The following ANKFN1 variants were observed in gnomAD, a reference collection of about 807,000 sequenced individuals.
ANKFN1 encodes the protein ankyrin repeat and fibronectin type-III domain-containing protein 1.
In ANKFN1, 74 loss-of-function variants were observed where a neutral mutation model predicts 108.7. That is an observed-to-expected ratio of 0.68 (90% CI 0.56 to 0.83). ANKFN1 has a LOEUF of 0.83. Among genes scored for constraint, ANKFN1 ranks in the 40% least tolerant of loss-of-function variants. ANKFN1 has a pLI of 0.00. For missense variants in ANKFN1, 1,505 were observed against 1,382.3 expected, an observed-to-expected ratio of 1.09 and a Z score of -1.41; for synonymous variants, 547 against 516.2, an observed-to-expected ratio of 1.06 and a Z score of -0.81.
intron 3 of ANKFN1, among the ~76,000 whole-genome samples, chr17:56,316,815 A>C (rs1225700937): frequency 2.6e-5 from 4 of 152,290 alleles, no homozygotes; most frequent in Admixed American, 6.5e-5. Context: ...TAAAGGATCA[A>C]ATGCTCCTGT....
chr17:56,466,232 A>C, intron 14 of ANKFN1, 124 bp from the exon 15 acceptor site: 1 of 879,506 alleles, frequency 1.1e-6, no homozygotes, highest in East Asian at 2.6e-5. Flanking sequence ...TTAAGTGCAA[A>C]AAAAAAAAAG....
chr17:56,076,843 A>G (rs2143153398), intron 4 of ANKFN1, among the ~76,000 whole-genome samples: 1 of 152,304 alleles, frequency 6.6e-6, no homozygotes, highest in Non-Finnish European at 1.5e-5. Context: ...TTGAGTAAAC[A>G]TCATCAGGTA....
At chr17:56,487,920 A>G (rs1470656880) in intron 18 of ANKFN1, among the ~76,000 whole-genome samples, 1 of 152,236 alleles carries the variant, frequency 6.6e-6, no homozygotes, top group Non-Finnish European at 1.5e-5. Flanking sequence ...AGCCTGATTA[A>G]GTACACTCTT....
intron 4 of ANKFN1, among the ~76,000 whole-genome samples, chr17:56,125,553 A>G (rs1906873182): frequency 6.6e-6 from 1 of 152,236 alleles, no homozygotes; most frequent in Non-Finnish European, 1.5e-5. Flanking sequence ...ACCATGTTCC[A>G]GATACTGGCT....
At position 56,477,602 on chromosome 17, in the gene ANKFN1, T is replaced by C; in HGVS notation, c.1888T>C (p.Leu630=). The change falls in exon 16 of 21, where the codon TTG becomes CTG. Residue 630 remains leucine (L), a synonymous_variant. Transcript: ENST00000682825. ...DQIKVLVTQK[L]PNILCHVKIR... Reference sequence around the variant, plus strand: ...AATCAAAGTTCTTGTTACCCAAAAGTTGCCCAACATTCTCTGCCACGTGAA... The same window carrying C: ...AATCAAAGTTCTTGTTACCCAAAAGCTGCCCAACATTCTCTGCCACGTGAA... The C allele has an allele frequency of 6.2e-7, 1 of 1,613,966 alleles. No individual in the cohort carries two copies. The highest frequency in any genetic ancestry group is 8.5e-7 in the Non-Finnish European group (1 of 1,179,916).
At chr17:56,121,520 G>C (rs982436847) in intron 4 of ANKFN1, among the ~76,000 whole-genome samples, 1 of 151,834 alleles carries the variant, frequency 6.6e-6, no homozygotes, top group Admixed American at 6.6e-5. Flanking sequence ...TTCATTATAC[G>C]GGGACTTTTG....
At chr17:56,486,216 C>T (rs138320154) in intron 18 of ANKFN1, among the ~76,000 whole-genome samples, 1 of 152,288 alleles carries the variant, frequency 6.6e-6, no homozygotes, top group East Asian at 1.9e-4. Flanking sequence ...TTGGTCCTCC[C>T]TTGTTGCCAT....
chr17:56,193,406 A>G (rs1221145458), intron 1 of ANKFN1, among the ~76,000 whole-genome samples: 1 of 152,010 alleles, frequency 6.6e-6, no homozygotes, highest in African/African-American at 2.4e-5. Context: ...GTATAATTAA[A>G]AAAAAAAATA....
intron 1 of ANKFN1, among the ~76,000 whole-genome samples, chr17:56,173,479 C>A (rs779564871): frequency 1.7e-4 from 26 of 152,186 alleles, no homozygotes; most frequent in Non-Finnish European, 3.4e-4. Context: ...ACTCAGCATG[C>A]GTCACCTTGC....
chr17:56,439,544 G>T (rs948152251), intron 8 of ANKFN1, among the ~76,000 whole-genome samples: 1 of 151,794 alleles, frequency 6.6e-6, no homozygotes, highest in Non-Finnish European at 1.5e-5. Flanking sequence ...TCACCTTGGG[G>T]ATGTCAAGGG....
chr17:56,109,269 A>T (rs1905819865), intron 4 of ANKFN1, among the ~76,000 whole-genome samples: 1 of 152,208 alleles, frequency 6.6e-6, no homozygotes, highest in Non-Finnish European at 1.5e-5. Context: ...GGTTAGCAGA[A>T]GGGATTTGCC....
In ANKFN1 at chr17:56,172,166, G is replaced by A. The variant is rs558076204; in HGVS notation, c.-71+18636G>A. Among the ~76,000 whole-genome samples the A allele has an allele frequency of 1.2e-3, 177 of 152,184 alleles. 1 individual carries two copies. The highest frequency in any genetic ancestry group is 3.6e-3 in the African/African-American group (149 of 41,530). On this transcript the variant is annotated intron_variant, in intron 1 of 20. Coordinates refer to ENST00000682825, the MANE Select transcript of ANKFN1 (RefSeq NM_001370326.1). ...ATGAATGAGAAAAATTAATCTCAAC[G>A]TGATAAATAACTCTTAGCCTCTGAT...
intron 4 of ANKFN1, among the ~76,000 whole-genome samples, chr17:56,349,887 A>G (rs2046202583): frequency 6.6e-6 from 1 of 152,142 alleles, no homozygotes; most frequent in Non-Finnish European, 1.5e-5. Context: ...CTTTGCACAT[A>G]ATTACCTTGG....
At chr17:56,276,626 G>A (rs1598341653) in intron 3 of ANKFN1, among the ~76,000 whole-genome samples, 3 of 152,240 alleles carry the variant, frequency 2.0e-5, no homozygotes, top group South Asian at 2.1e-4. Context: ...TTTTTCATGT[G>A]TCTGTTGGCT....
rs905940577 is a variant in ANKFN1, at chr17:56,153,631, C to T, written c.-71+101C>T. ...TGTGAGTTGAGTGGGCGAGTGAATT[C>T]GGGCGTTAGCTGGTGAGCATCCATG... On this transcript the variant is annotated intron_variant, in intron 1 of 20. Coordinates refer to ENST00000682825, the MANE Select transcript of ANKFN1 (RefSeq NM_001370326.1). The T allele has an allele frequency of 1.4e-5, 20 of 1,475,662 alleles. No individual in the cohort carries two copies. In the Admixed American group the frequency reaches 1.7e-4, roughly 12 times the overall value. The allele number at this position is 1,475,662 out of a possible 1,614,324, so 91.4% of individuals were successfully genotyped here.
At chr17:56,065,838 A>G (rs1905051618) in intron 4 of ANKFN1, among the ~76,000 whole-genome samples, 1 of 152,236 alleles carries the variant, frequency 6.6e-6, no homozygotes, top group Non-Finnish European at 1.5e-5. Context: ...AAATATTCTG[A>G]GAGTTACTAA....
At chr17:56,451,083 C>T (rs1442888113) in intron 11 of ANKFN1, among the ~76,000 whole-genome samples, 2 of 152,072 alleles carry the variant, frequency 1.3e-5, no homozygotes, top group Admixed American at 6.5e-5. Flanking sequence ...AAAGTATGTT[C>T]CAAAGATCAG....
chr17:56,181,728 G>A (rs55704141), intron 1 of ANKFN1, among the ~76,000 whole-genome samples: 47,682 of 151,756 alleles, frequency 0.31, 8,902 homozygotes, highest in East Asian at 0.51. Flanking sequence ...ATATATGTAC[G>A]TATATATGTT....
chr17:56,149,937 A>G (rs1487780096), upstream of ANKFN1, among the ~76,000 whole-genome samples: 1 of 152,168 alleles, frequency 6.6e-6, no homozygotes, highest in African/African-American at 2.4e-5. Context: ...AAACAAAGCC[A>G]TGCTTTCTGA....
Sources: gnomAD v4.1 joint callset for allele counts (sites outside exome capture counted in the v4.1 genomes callset) on GRCh38, gnomAD v4.1.1 for gene constraint, MANE v1.5 for transcripts, NCBI Gene and HGNC (gene_info 2026-07-23, HGNC 2026-07-21) for gene names.